Variants in OLFM3 observed in about 807,000 individuals in gnomAD.
The protein encoded by OLFM3 is olfactomedin 3, also known as noelin-3.
Under a neutral mutation model 48.6 loss-of-function variants are expected in OLFM3, and 20 were observed. The ratio of observed to expected loss-of-function variants is 0.41; its 90% confidence interval spans 0.29 to 0.60. The LOEUF (loss-of-function observed/expected upper bound fraction) is 0.60, where lower values mean the gene tolerates loss of function less well. Among genes scored for constraint, OLFM3 ranks in the 20% least tolerant of loss-of-function variants. The pLI is 0.28. For missense variants in OLFM3, 437 were observed against 544.3 expected, an observed-to-expected ratio of 0.80 and a Z score of 1.96; for synonymous variants, 222 against 198.1, an observed-to-expected ratio of 1.12 and a Z score of -1.01.
chr1:101,995,209 T>C (rs964053796), intron 1 of OLFM3, among the ~76,000 whole-genome samples: 1 of 152,116 alleles, frequency 6.6e-6, no homozygotes, highest in African/African-American at 2.4e-5. Context: ...ACTTAGTGAT[T>C]AACTTTGCTT....
At chr1:101,840,782 C>G (rs998009896) in intron 1 of OLFM3, among the ~76,000 whole-genome samples, 1 of 152,052 alleles carries the variant, frequency 6.6e-6, no homozygotes, top group South Asian at 2.1e-4. Context: ...ATTTTAATAC[C>G]CTTTCATACA....
At chr1:101,914,704 CCAAAGGTGG>C (rs1280541530) in intron 1 of OLFM3, among the ~76,000 whole-genome samples, 1 of 152,074 alleles carries the variant, frequency 6.6e-6, no homozygotes, top group Non-Finnish European at 1.5e-5. Context: ...GTAGGTATAG[CCAAAGGTGG>C]CAAAGCCTGC....
At chr1:101,827,761 T>C (rs962633697) in intron 3 of OLFM3, among the ~76,000 whole-genome samples, 1 of 152,212 alleles carries the variant, frequency 6.6e-6, no homozygotes. Flanking sequence ...AATTGGACTT[T>C]CTGAATTTGA....
chr1:101,955,159 G>A (rs917404835), intron 1 of OLFM3, among the ~76,000 whole-genome samples: 8 of 151,872 alleles, frequency 5.3e-5, no homozygotes, highest in African/African-American at 1.2e-4. Context: ...TACCTATATC[G>A]TCATTGGAGA....
At chr1:101,946,929 A>T (rs1189263014) in intron 1 of OLFM3, among the ~76,000 whole-genome samples, 2 of 152,182 alleles carry the variant, frequency 1.3e-5, no homozygotes, top group African/African-American at 4.8e-5. Context: ...TTTATTGCAC[A>T]TAGTGAAGTA....
intron 1 of OLFM3, among the ~76,000 whole-genome samples, chr1:101,912,879 G>A (rs1262018963): frequency 1.3e-5 from 2 of 152,158 alleles, no homozygotes; most frequent in Admixed American, 6.5e-5. Context: ...AGCTTTGAAA[G>A]AGTATAATCC....
At chr1:101,851,276 C>T (rs1656212527) in intron 1 of OLFM3, among the ~76,000 whole-genome samples, 1 of 152,100 alleles carries the variant, frequency 6.6e-6, no homozygotes, top group Non-Finnish European at 1.5e-5. Flanking sequence ...GTCTCTCAGT[C>T]TCCATTTTAT....
At chr1:101,895,712 A>G (rs1466538091) in intron 1 of OLFM3, among the ~76,000 whole-genome samples, 1 of 152,144 alleles carries the variant, frequency 6.6e-6, no homozygotes, top group East Asian at 1.9e-4. Context: ...AGGCTGTTCA[A>G]TTAATTCAAT....
intron 1 of OLFM3, among the ~76,000 whole-genome samples, chr1:101,858,491 A>C (rs1056969269): frequency 6.6e-5 from 10 of 152,000 alleles, no homozygotes; most frequent in African/African-American, 2.4e-4. Context: ...TGGGACCCAT[A>C]ATGTGTACAA....
chr1:101,850,247 G>A (rs1298119044), intron 1 of OLFM3, among the ~76,000 whole-genome samples: 1 of 152,008 alleles, frequency 6.6e-6, no homozygotes, highest in Admixed American at 6.6e-5. Context: ...ATTTCATAGT[G>A]GATCAATAAC....
At chr1:101,910,470 G>GAA (rs5776606) in intron 1 of OLFM3, among the ~76,000 whole-genome samples, 82 of 123,046 alleles carry the variant, frequency 6.7e-4, no homozygotes, top group African/African-American at 2.2e-3. Flanking sequence ...CGTCTCAACT[G>GAA]AAAAAAAAAA....
intron 1 of OLFM3, among the ~76,000 whole-genome samples, chr1:101,981,228 C>T (rs971847003): frequency 3.9e-5 from 6 of 152,160 alleles, no homozygotes; most frequent in East Asian, 1.9e-4. Context: ...CCTATTTCAC[C>T]GAGAAAATGA....
intron 1 of OLFM3, chr1:101,846,868 T>C: frequency 6.2e-7 from 1 of 1,612,518 alleles, no homozygotes. Flanking sequence ...GTCGACAGCC[T>C]CGTGGTGTTC....
chr1:101,884,014 A>C (rs896907312), intron 1 of OLFM3, among the ~76,000 whole-genome samples: 3 of 151,844 alleles, frequency 2.0e-5, no homozygotes, highest in Admixed American at 6.6e-5. Context: ...ATAAGAAAGA[A>C]TGTTTAGGTT....
chr1:101,975,949 A>C (rs1328652405), intron 1 of OLFM3, among the ~76,000 whole-genome samples: 1 of 152,206 alleles, frequency 6.6e-6, no homozygotes, highest in East Asian at 1.9e-4. Flanking sequence ...GAAGAAAAAA[A>C]CAGCCAACTT....
chr1:101,812,352 T>G (rs1041974470), intron 4 of OLFM3: 109 of 863,354 alleles, frequency 1.3e-4, no homozygotes, highest in Non-Finnish European at 1.4e-4. Context: ...ATATATAAAA[T>G]TAAACTTCAA....
At chr1:101,808,984 A>G (rs1281994401) in intron 4 of OLFM3, among the ~76,000 whole-genome samples, 7 of 151,682 alleles carry the variant, frequency 4.6e-5, no homozygotes, top group Non-Finnish European at 8.8e-5. Context: ...AAACAAAAAT[A>G]TAATTATATT....
chr1:101,947,477 G>A (rs953961438), intron 1 of OLFM3, among the ~76,000 whole-genome samples: 2 of 152,128 alleles, frequency 1.3e-5, no homozygotes, highest in African/African-American at 2.4e-5. Context: ...AAATAAAATT[G>A]TTTCTAGTTT....
At chr1:101,930,125 A>C (rs974811684) in intron 1 of OLFM3, among the ~76,000 whole-genome samples, 2 of 152,192 alleles carry the variant, frequency 1.3e-5, no homozygotes, top group African/African-American at 4.8e-5. Flanking sequence ...AGCTTCACTT[A>C]AACCAACCCA....
Sources: allele counts gnomAD v4.1 joint callset (sites outside exome capture counted in the v4.1 genomes callset), GRCh38; gene constraint gnomAD v4.1.1; transcripts MANE v1.5; gene names NCBI Gene and HGNC (gene_info 2026-07-23, HGNC 2026-07-21).